BCAR1: variants seen among roughly 807,000 people sequenced by gnomAD.
BCAR1 encodes breast cancer anti-estrogen resistance protein 1.
In BCAR1, 30 loss-of-function variants were observed where a neutral mutation model predicts 67.6. The ratio of observed to expected loss-of-function variants is 0.44; its 90% CI spans 0.33 to 0.60. The LOEUF (loss-of-function observed/expected upper bound fraction) is 0.60. Ranked by LOEUF, BCAR1 falls within the 20% of genes least tolerant of loss-of-function variation. The pLI is 0.02. For missense variants in BCAR1, 1,313 were observed against 1,222.3 expected (o/e 1.07, Z -1.11); for synonymous variants, 626 against 556.7 (o/e 1.12, Z -1.75).
At chr16:75,246,000 G>A (rs2077511633) in intron 1 of BCAR1, 1 of 37,228 alleles carries the variant, frequency 2.7e-5, no homozygotes, top group African/African-American at 8.3e-5. Flanking sequence ...TTTTGAGACT[G>A]GGTTCTGCTC....
rs776851986 is a variant in BCAR1, at chr16:75,234,964, G to C, written c.1935C>G (p.Ser645=). ...CGTACTGCCCATCTGGCGAGTCCTG[G>C]GAGGTGAACTTAGGGGGTGAGGGCA... ...RPLPSPPKFT[S]QDSPDGQYEN... Residue 645 remains serine (S), a synonymous_variant, in exon 5 of 7, where the codon TCC becomes TCG. Coordinates refer to ENST00000162330, the MANE Select transcript of BCAR1 (RefSeq NM_014567.5). 1.4e-5 allele frequency: 23 copies of C among 1,599,264 alleles called. No individual in the cohort carries two copies. Among genetic ancestry groups the C allele is most frequent in the Non-Finnish European group, 1.8e-5 (21 of 1,169,588 alleles).
At chr16:75,262,182 G>A (rs940326690) in intron 1 of BCAR1, among the ~76,000 whole-genome samples, 1 of 152,190 alleles carries the variant, frequency 6.6e-6, no homozygotes, top group African/African-American at 2.4e-5. Flanking sequence ...AAGGCTCTGA[G>A]GAGAGTGGCT....
chr16:75,251,509 C>T lies in BCAR1; in HGVS notation c.-27G>A. 2.3e-6 allele frequency: 3 copies of T among 1,331,792 alleles called. No individual in the cohort carries two copies. Among genetic ancestry groups the T allele is most frequent in the Non-Finnish European group, 9.6e-7 (1 of 1,038,472 alleles). 82.5% of individuals were successfully genotyped at this position (1,331,792 alleles called of 1,614,324 possible). On this transcript the variant is annotated 5_prime_UTR_variant, in exon 1 of 7. Coordinates refer to ENST00000162330, the MANE Select transcript of BCAR1 (RefSeq NM_014567.5). ...GTGTCCGGCGGGCCTGGGGCCCCGG[C>T]TCTCGCGGGGGCGCACACCGAGCTG...
intron 1 of BCAR1, 87 bp downstream of exon 1, chr16:75,251,384 C>A: frequency 4.1e-6 from 6 of 1,452,024 alleles, no homozygotes; most frequent in Non-Finnish European, 5.5e-6. Flanking sequence ...CCCGCAGGTC[C>A]GGCAGGAAAT....
chr16:75,243,421 A>T, intron 1 of BCAR1: 1 of 597,368 alleles, frequency 1.7e-6, no homozygotes, highest in Non-Finnish European at 3.2e-6. Context: ...GACCAACACA[A>T]GGAGAGCGGC....
chr16:75,257,217 A>C (rs2048902056), intron 1 of BCAR1, among the ~76,000 whole-genome samples: 1 of 151,496 alleles, frequency 6.6e-6, no homozygotes, highest in Non-Finnish European at 1.5e-5. Context: ...CTCCCATGGC[A>C]ACCAACCCCA....
chr16:75,242,874 C>T lies in BCAR1; in HGVS notation c.229G>A (p.Gly77Ser), dbSNP rs1258517763. Residue 77 changes from glycine (G) to serine (S), a missense_variant, in exon 2 of 7, where the codon GGC (glycine) becomes AGC (serine). Gly to Ser is a moderately conservative substitution (Grantham distance 56). Coordinates refer to ENST00000162330, the MANE Select transcript of BCAR1 (RefSeq NM_014567.5). ...YDKKPAGPGP[G>S]PPATPAQPQP... ...GGCTGGGCCGGGGTGGCGGGAGGGC[C>T]GGGGCCAGGCCCTGCTGGCTTCTTA... 33 of 1,609,982 alleles carry T rather than the reference C, an allele frequency of 2.0e-5. No individual in the cohort carries two copies. Among genetic ancestry groups the T allele is most frequent in the East Asian group, 4.5e-5 (2 of 44,860 alleles).
chr16:75,257,438 G>A (rs1597277568), intron 1 of BCAR1, among the ~76,000 whole-genome samples: 1 of 152,242 alleles, frequency 6.6e-6, no homozygotes, highest in South Asian at 2.1e-4. Context: ...CAGAGCTGTG[G>A]CAGCCACAGG....
Position 75,251,509 on chromosome 16 carries a change from C to A in BCAR1, c.-27G>T. ...GTGTCCGGCGGGCCTGGGGCCCCGG[C>A]TCTCGCGGGGGCGCACACCGAGCTG... On this transcript the variant is annotated 5_prime_UTR_variant, in exon 1 of 7. Coordinates refer to ENST00000162330, the MANE Select transcript of BCAR1 (RefSeq NM_014567.5). 1 of 1,331,790 alleles carries A rather than the reference C, an allele frequency of 7.5e-7. No homozygotes were observed. The highest frequency in any genetic ancestry group is 9.6e-7 in the Non-Finnish European group (1 of 1,038,470). 82.5% of individuals were successfully genotyped at this position (1,331,790 alleles called of 1,614,324 possible).
intron 1 of BCAR1, chr16:75,263,327 G>C: frequency 7.1e-6 from 7 of 985,460 alleles, no homozygotes; most frequent in Non-Finnish European, 8.4e-6. Flanking sequence ...GGTCTGAGGT[G>C]GGTGGCACAT....
rs151313391 is a variant in BCAR1, at chr16:75,229,723, G to T, written c.2401C>A (p.Arg801=). The T allele has an allele frequency of 3.7e-6, 6 of 1,613,084 alleles. No individual in the cohort carries two copies. Among genetic ancestry groups the T allele is most frequent in the Admixed American group, 1.7e-5 (1 of 60,008 alleles). Residue 801 remains arginine, a synonymous_variant, in exon 7 of 7, where the codon CGG becomes AGG. Coordinates refer to ENST00000162330, the MANE Select transcript of BCAR1 (RefSeq NM_014567.5). ...KLVFIGDTLS[R]QAKAADVRSQ... ...CGCACGTCAGCAGCCTTGGCCTGCC[G>T]TGACAGTGTGTCCCCGATGAACACC...
chr16:75,264,337 C>T, intron 1 of BCAR1: 2 of 1,505,886 alleles, frequency 1.3e-6, no homozygotes, highest in African/African-American at 1.4e-5. Flanking sequence ...CTAATCACTA[C>T]TGCCCTGGGA....
upstream of BCAR1, among the ~76,000 whole-genome samples, chr16:75,254,036 A>G (rs1438617948): frequency 6.6e-6 from 1 of 151,694 alleles, no homozygotes; most frequent in Non-Finnish European, 1.5e-5. Flanking sequence ...CCTGACCTCA[A>G]GTGATTCACC....
chr16:75,251,619 C>G lies in BCAR1; in HGVS notation c.-137G>C. 9.9e-7 allele frequency: 1 copy of G among 1,011,262 alleles called. No homozygotes were observed. The highest frequency in any genetic ancestry group is 1.2e-6 in the Non-Finnish European group (1 of 848,110). 62.6% of individuals were successfully genotyped at this position (1,011,262 alleles called of 1,614,324 possible). ...AGCTGCCGCCTCGGCCACCCAGAGC[C>G]GGTCCAGCCGCTCTCCGCCTGCCGC... On this transcript the variant is annotated 5_prime_UTR_variant, in exon 1 of 7. Transcript: ENST00000162330.
At chr16:75,234,596 C>G (rs1031448243) in intron 5 of BCAR1, among the ~76,000 whole-genome samples, 1 of 152,242 alleles carries the variant, frequency 6.6e-6, no homozygotes, top group Non-Finnish European at 1.5e-5. Context: ...GCTGCTCCCC[C>G]ACGCTCAGAG....
At chr16:75,245,663 G>A (rs1013194763) in intron 1 of BCAR1, among the ~76,000 whole-genome samples, 2 of 152,214 alleles carry the variant, frequency 1.3e-5, no homozygotes, top group African/African-American at 4.8e-5. Context: ...CTCACAGGCT[G>A]GGCACGTGGC....
chr16:75,229,997 C>T lies in BCAR1; in HGVS notation c.2127G>A (p.Gln709=), dbSNP rs759630199. 1.9e-6 allele frequency: 3 copies of T among 1,548,684 alleles called. No homozygotes were observed. In the South Asian group the frequency reaches 3.7e-5, roughly 19 times the overall value. The change falls in exon 7 of 7, where the codon CAG becomes CAA. Residue 709 remains glutamine (Q), a synonymous_variant. Coordinates refer to ENST00000162330, the MANE Select transcript of BCAR1 (RefSeq NM_014567.5). ...CGTGGTCTATGGGCCGTGACACCTC[C>T]TGTTCCAGTCGTTCAAACTGCTTCA... ...QQLKQFERLE[Q]EVSRPIDHDL...
intron 1 of BCAR1, chr16:75,247,975 C>T: frequency 1.1e-6 from 1 of 879,330 alleles, no homozygotes; most frequent in Non-Finnish European, 1.9e-6. Flanking sequence ...CACAGTTCCT[C>T]CCTGCGGGAG....
At chr16:75,232,810 G>A (rs55824876) in intron 6 of BCAR1, among the ~76,000 whole-genome samples, 17,358 of 152,148 alleles carry the variant, frequency 0.11, 1,270 homozygotes, top group Middle Eastern at 0.18. Flanking sequence ...CTCATGAGGC[G>A]GCTGCAGCCT....
Sources: gnomAD v4.1 joint callset for allele counts (sites outside exome capture counted in the v4.1 genomes callset) on GRCh38, gnomAD v4.1.1 for gene constraint, MANE v1.5 for transcripts, NCBI Gene and HGNC (gene_info 2026-07-23, HGNC 2026-07-21) for gene names.